The following SYCP2 variants were observed in gnomAD, a reference collection of about 807,000 sequenced individuals.
The protein encoded by SYCP2 is synaptonemal complex protein 2.
In SYCP2, 55 loss-of-function variants were observed where a neutral mutation model predicts 211.3. The observed-to-expected ratio is 0.26, with a 90% confidence interval of 0.21 to 0.33. SYCP2 has a LOEUF of 0.33. Ranked by LOEUF, SYCP2 falls within the 10% of genes least tolerant of loss-of-function variation. The pLI is 1.00. For synonymous variants in SYCP2, 570 were observed against 555.2 expected (o/e 1.03, Z -0.37); for missense variants, 1,731 against 1,752.0 (o/e 0.99, Z 0.21).
chr20:59,883,206 G>A (rs2059718466), intron 26 of SYCP2, among the ~76,000 whole-genome samples: 2 of 152,122 alleles, frequency 1.3e-5, no homozygotes, highest in South Asian at 4.1e-4. Flanking sequence ...AAAATTAGCT[G>A]AGCATGGTGG....
rs757291016 is a variant in SYCP2, at chr20:59,911,779, G to A, written c.943C>T (p.Leu315Phe). 1.3e-6 allele frequency: 2 copies of A among 1,588,604 alleles called. No homozygotes were observed. Among genetic ancestry groups the A allele is most frequent in the Non-Finnish European group, 1.7e-6 (2 of 1,163,900 alleles). ...WIDFNLGSQT[L>F]SFYIAGDNDD... ...TTATCTCCAGCAATGTAGAATGAGA[G>A]AGTCTGACTCCCAAGATTAAAATCA... Residue 315 changes from leucine (L) to phenylalanine (F), a missense_variant, in exon 14 of 45, where the codon CTC (leucine) becomes TTC (phenylalanine). Leu to Phe is a conservative substitution (Grantham distance 22, BLOSUM62 0). This residue lies in a region of SYCP2 where 335 missense variants were observed against 378.8 expected (regional missense o/e 0.88). Transcript: ENST00000357552.
chr20:59,893,919 A>G (rs553386123), intron 20 of SYCP2, among the ~76,000 whole-genome samples: 2 of 152,146 alleles, frequency 1.3e-5, no homozygotes, highest in East Asian at 3.9e-4. Context: ...TGTTGATTAC[A>G]TAGCCTGCTT....
At chr20:59,877,164 T>A (rs1221843032) in intron 33 of SYCP2, among the ~76,000 whole-genome samples, 2 of 152,212 alleles carry the variant, frequency 1.3e-5, no homozygotes, top group African/African-American at 4.8e-5. Context: ...AGTTATAATT[T>A]CACTAGATTC....
chr20:59,928,970 A>T lies in SYCP2; in HGVS notation c.-47+3092T>A, dbSNP rs12624634. Among the ~76,000 whole-genome samples, 457 of 152,266 alleles carry T rather than the reference A, an allele frequency of 3.0e-3. 12 individuals carry two copies. The East Asian group carries it at 0.038, about 13-fold the overall frequency. On this transcript the variant is annotated intron_variant, in intron 2 of 44. Coordinates refer to ENST00000357552, the MANE Select transcript of SYCP2 (RefSeq NM_014258.4). ...TAACTTTTTGTGCATCACTGTTTGT[A>T]AAAGAGAGGCAGCATACTAGGAAGA...
chr20:59,887,709 G>A (rs141788871), intron 24 of SYCP2, among the ~76,000 whole-genome samples: 82 of 151,736 alleles, frequency 5.4e-4, no homozygotes, highest in African/African-American at 1.9e-3. Flanking sequence ...AAATGTTTCT[G>A]CCCATAAGAA....
intron 24 of SYCP2, 115 bp downstream of exon 24, chr20:59,891,875 A>T (rs2059913920): frequency 1.1e-6 from 1 of 912,364 alleles, no homozygotes; most frequent in Non-Finnish European, 1.6e-6. Flanking sequence ...GCACTGAATT[A>T]AACAAGGTAT....
chr20:59,874,168 C>CAA, intron 34 of SYCP2, 107 bp from the exon 35 acceptor site: 1 of 541,826 alleles, frequency 1.8e-6, no homozygotes, highest in Non-Finnish European at 3.0e-6. Context: ...GTCAGATCTT[C>CAA]AAATCTTAGC....
chr20:59,892,396 T>C lies in SYCP2; in HGVS notation c.1958A>G (p.Gln653Arg). The C allele has an allele frequency of 6.4e-7, 1 of 1,552,002 alleles. No individual in the cohort carries two copies. Among genetic ancestry groups the C allele is most frequent in the Non-Finnish European group, 8.7e-7 (1 of 1,144,888 alleles). Reference sequence around the variant, plus strand: ...ATCAGATATTGAAGAGGATGATTTTTGTTTAGTAAGTTTTTTATTTATAAC... The same window carrying C: ...ATCAGATATTGAAGAGGATGATTTTCGTTTAGTAAGTTTTTTATTTATAAC... ...DIVINKKLTK[Q>R]KSSSSISDHN... The change falls in exon 24 of 45, where the codon CAA becomes CGA. Residue 653 changes from glutamine (Q) to arginine (R), a missense_variant. Gln to Arg is a conservative substitution (Grantham distance 43). Around this residue, in one of 3 missense-constraint regions of SYCP2, gnomAD observed 1,387 missense variants for 1,351.3 expected, o/e 1.03. Coordinates refer to ENST00000357552, the MANE Select transcript of SYCP2 (RefSeq NM_014258.4).
At chr20:59,920,755 C>T (rs1281490806) in intron 4 of SYCP2, among the ~76,000 whole-genome samples, 2 of 151,582 alleles carry the variant, frequency 1.3e-5, no homozygotes, top group African/African-American at 4.8e-5. Context: ...GAATCAGCAA[C>T]TTTCCATTCT....
intron 20 of SYCP2, among the ~76,000 whole-genome samples, chr20:59,893,892 G>A (rs935360561): frequency 2.0e-4 from 30 of 151,894 alleles, no homozygotes; most frequent in Admixed American, 1.3e-4. Context: ...CTCTCCATGA[G>A]GAATCTCTCC....
At chr20:59,880,269 AT>A in intron 31 of SYCP2, 33 bp downstream of exon 31, 1 of 1,506,022 alleles carries the variant, frequency 6.6e-7, no homozygotes, top group Non-Finnish European at 9.1e-7. Flanking sequence ...CTGCAAAATC[AT>A]TTGCAACATT....
intron 14 of SYCP2, among the ~76,000 whole-genome samples, chr20:59,908,976 C>T (rs1214865291): frequency 6.6e-6 from 1 of 152,168 alleles, no homozygotes; most frequent in Non-Finnish European, 1.5e-5. Context: ...AACTCTTCAC[C>T]ATGTAAGTGA....
chr20:59,930,926 C>A (rs2060727334), intron 2 of SYCP2, among the ~76,000 whole-genome samples: 1 of 152,028 alleles, frequency 6.6e-6, no homozygotes, highest in African/African-American at 2.4e-5. Flanking sequence ...AGTTTTAACC[C>A]TTAGATCATG....
intron 2 of SYCP2, among the ~76,000 whole-genome samples, chr20:59,929,529 G>A (rs907599620): frequency 6.6e-6 from 1 of 152,136 alleles, no homozygotes; most frequent in East Asian, 1.9e-4. Flanking sequence ...AACATGAAAT[G>A]TGGTGAGTGA....
intron 2 of SYCP2, among the ~76,000 whole-genome samples, chr20:59,923,714 A>G (rs2060582549): frequency 6.6e-6 from 1 of 151,844 alleles, no homozygotes; most frequent in Admixed American, 6.6e-5. Context: ...AAATAAACAA[A>G]AAGAATGCAT....
chr20:59,878,133 T>A, intron 31 of SYCP2, 88 bp from the exon 32 acceptor site: 1 of 937,770 alleles, frequency 1.1e-6, no homozygotes, highest in East Asian at 2.7e-5. Context: ...CATATTTAAA[T>A]TAAAATAATA....
chr20:59,866,447 G>GA lies in SYCP2; in HGVS notation c.4220+47_4220+48insT, dbSNP rs2059336475. ...TAAAAACTGTAGCATTCAGAATATA[G>GA]GAATATGTAGCATTCAAAAGTTTTC... On this transcript the variant is annotated intron_variant, in intron 40 of 44. Coordinates refer to ENST00000357552, the MANE Select transcript of SYCP2 (RefSeq NM_014258.4). 7 of 1,557,018 alleles carry GA rather than the reference G, an allele frequency of 4.5e-6. No homozygotes were observed. The African/African-American group carries it at 5.5e-5, about 12-fold the overall frequency.
chr20:59,922,351 C>G, intron 3 of SYCP2, 39 bp downstream of exon 3: 1 of 1,548,448 alleles, frequency 6.5e-7, no homozygotes, highest in Non-Finnish European at 8.7e-7. Context: ...AAGTGATTTT[C>G]AGAATGAAAA....
chr20:59,932,942 G>A (rs1002338450), intron 1 of SYCP2, among the ~76,000 whole-genome samples: 2 of 152,074 alleles, frequency 1.3e-5, no homozygotes, highest in African/African-American at 4.8e-5. Context: ...AAGTGGAACC[G>A]GCAGTGGCAA....
Sources: allele counts gnomAD v4.1 joint callset (sites outside exome capture counted in the v4.1 genomes callset), GRCh38; gene constraint gnomAD v4.1.1; regional missense constraint gnomAD v4.1.1; transcripts MANE v1.5; gene names NCBI Gene and HGNC (gene_info 2026-07-23, HGNC 2026-07-21).